The following OPHN1 variants were observed in gnomAD, a reference collection of about 807,000 sequenced individuals.
OPHN1 encodes oligophrenin-1.
A neutral mutation model predicts 60.7 loss-of-function variants in OPHN1; 11 were observed. The ratio of observed to expected loss-of-function variants is 0.18; its 90% CI spans 0.11 to 0.30. OPHN1 has a LOEUF of 0.30. Ranked by LOEUF, OPHN1 falls within the 10% of genes least tolerant of loss-of-function variation. OPHN1 has a pLI of 1.00. For missense variants in OPHN1, 449 were observed against 611.0 expected, an observed-to-expected ratio of 0.73 and a Z score of 2.80; for synonymous variants, 226 against 222.6, an observed-to-expected ratio of 1.02 and a Z score of -0.14.
intron 6 of OPHN1, among the ~76,000 whole-genome samples, chrX:68,222,514 G>T (rs907189407): frequency 9.9e-6 from 1 of 100,965 alleles, no homozygotes. Flanking sequence ...CAATAGCAAA[G>T]ACTTGGAACC....
At chrX:68,348,911 AC>A (rs914085498) in intron 2 of OPHN1, among the ~76,000 whole-genome samples, 7 of 111,682 alleles carry the variant, frequency 6.3e-5, no homozygotes, top group African/African-American at 2.3e-4. Context: ...TATTCTGAGA[AC>A]CCAATGCATT....
intron 2 of OPHN1, among the ~76,000 whole-genome samples, chrX:68,385,066 T>A (rs2079009788): frequency 9.0e-6 from 1 of 111,245 alleles, no homozygotes; most frequent in African/African-American, 3.3e-5. Context: ...AATAATTTTT[T>A]TAAAAAAAAT....
chrX:68,282,792 C>G (rs756858825), intron 4 of OPHN1, among the ~76,000 whole-genome samples: 3 of 111,230 alleles, frequency 2.7e-5, no homozygotes, highest in Non-Finnish European at 3.8e-5. Flanking sequence ...GTTCAAAGGC[C>G]CAGTTTAATA....
intron 2 of OPHN1, among the ~76,000 whole-genome samples, chrX:68,378,681 A>G (rs1457953612): frequency 1.8e-5 from 2 of 111,944 alleles, no homozygotes; most frequent in African/African-American, 6.5e-5. Flanking sequence ...ACCATTTATT[A>G]AACAGGGAAT....
chrX:68,209,992 C>CTTTTTTTTTTTTTTTTTTT, intron 9 of OPHN1, 161 bp downstream of exon 9: 8 of 447,204 alleles, frequency 1.8e-5, no homozygotes, highest in African/African-American at 2.6e-5. Flanking sequence ...TCAGTTTCTC[C>CTTTTTTTTTTTTTTTTTTT]TTTTTTTTTT....
Position 68,302,361 on chromosome X carries a change from G to T in OPHN1, c.155-3265C>A, listed in dbSNP as rs747938370. 4.5e-5 allele frequency among the ~76,000 whole-genome samples: 5 copies of T among 111,292 alleles called. No homozygotes were observed. In the South Asian group the frequency reaches 1.9e-3, roughly 42 times the overall value. On this transcript the variant is annotated intron_variant, in intron 2 of 24. Transcript: ENST00000355520. ...TTAAGCACTTTGGGAGGCCAACGCG[G>T]GCAGATTACTTGAGGTCAGGAGTTC...
intron 21 of OPHN1, among the ~76,000 whole-genome samples, chrX:68,056,551 A>C: frequency 9.0e-6 from 1 of 111,457 alleles, no homozygotes; most frequent in Middle Eastern, 4.6e-3. Flanking sequence ...TGGACATGTC[A>C]TTCCCCTTAA....
chrX:68,132,579 T>C (rs1225621684), intron 15 of OPHN1, among the ~76,000 whole-genome samples: 1 of 83,819 alleles, frequency 1.2e-5, no homozygotes, highest in Non-Finnish European at 2.3e-5. Flanking sequence ...GGGATAGCAT[T>C]GGGAGATATA....
At chrX:68,285,997 CTT>C (rs2078039460) in intron 3 of OPHN1, among the ~76,000 whole-genome samples, 1 of 111,238 alleles carries the variant, frequency 9.0e-6, no homozygotes, top group Non-Finnish European at 1.9e-5. Flanking sequence ...AATTGAAACT[CTT>C]TGTCTAGAAA....
At chrX:68,428,615 T>C (rs761205375) in intron 2 of OPHN1, among the ~76,000 whole-genome samples, 1 of 112,559 alleles carries the variant, frequency 8.9e-6, no homozygotes, top group South Asian at 3.7e-4. Flanking sequence ...TGTCCAAGTA[T>C]GTATTGAATG....
intron 4 of OPHN1, among the ~76,000 whole-genome samples, chrX:68,281,076 A>T (rs891800080): frequency 1.8e-5 from 2 of 112,030 alleles, no homozygotes; most frequent in Middle Eastern, 4.2e-3. Flanking sequence ...TCTTAAAAGC[A>T]ATCCCAGTCA....
chrX:68,141,451 A>G (rs1454730576), intron 15 of OPHN1, among the ~76,000 whole-genome samples: 1 of 112,031 alleles, frequency 8.9e-6, no homozygotes, highest in Non-Finnish European at 1.9e-5. Flanking sequence ...GGAAAAGTGT[A>G]TCTTAGAATC....
intron 15 of OPHN1, among the ~76,000 whole-genome samples, chrX:68,171,409 C>G (rs2077390572): frequency 9.3e-6 from 1 of 107,846 alleles, no homozygotes; most frequent in Non-Finnish European, 1.9e-5. Context: ...GAACTTCAAA[C>G]CAGAATTTAG....
At position 68,294,501 on chromosome X, in the gene OPHN1, A is replaced by AAT. The variant is rs1491185339; in HGVS notation, c.250+4499_250+4500insAT. Among the ~76,000 whole-genome samples, 255 of 106,691 alleles carry AAT rather than the reference A, an allele frequency of 2.4e-3. 1 individual carries two copies. The highest frequency in any genetic ancestry group is 8.3e-3 in the African/African-American group (240 of 28,852). The allele number at this position is 106,691 out of a possible 115,157, so 92.6% of individuals were successfully genotyped here. ...AAAAAAAAAAAAAAAAAAAAAAAAA[A>AAT]AGTAAGCATATTCTCTTAAGCCTAT... On this transcript the variant is annotated intron_variant, in intron 3 of 24. Transcript: ENST00000355520.
In OPHN1 at chrX:68,045,353, G is replaced by A. The variant is rs1207640868; in HGVS notation, c.*1819C>T. On this transcript the variant is annotated 3_prime_UTR_variant, in exon 25 of 25. Coordinates refer to ENST00000355520, the MANE Select transcript of OPHN1 (RefSeq NM_002547.3). ...TGTTCCTAACTCACCAATAAACCAT[G>A]TTTGGAATTCAGTCTTGAAAATGAC... 8.9e-6 allele frequency: 1 copy of A among 112,371 alleles called. No homozygotes were observed. The highest frequency in any genetic ancestry group is 1.9e-5 in the Non-Finnish European group (1 of 53,262). 9.3% of individuals were successfully genotyped at this position (112,371 alleles called of 1,213,427 possible).
chrX:68,365,125 C>T (rs73539214), intron 2 of OPHN1, among the ~76,000 whole-genome samples: 2 of 111,540 alleles, frequency 1.8e-5, no homozygotes, highest in African/African-American at 6.5e-5. Context: ...TGAACATAGA[C>T]GCTAATAGAG....
chrX:68,426,699 C>CA (rs778079057), intron 2 of OPHN1, among the ~76,000 whole-genome samples: 2,883 of 36,718 alleles, frequency 0.079, 310 homozygotes, highest in African/African-American at 0.21. Context: ...CGCATCTCTC[C>CA]AAAAAAAAAA....
intron 3 of OPHN1, among the ~76,000 whole-genome samples, chrX:68,287,988 C>G (rs770848471): frequency 9.0e-6 from 1 of 111,713 alleles, no homozygotes; most frequent in Non-Finnish European, 1.9e-5. Flanking sequence ...TGTTAAATCA[C>G]TTTAAAATTA....
chrX:68,044,808 A>G lies in OPHN1; in HGVS notation c.*2364T>C, dbSNP rs1245006186. The stretch of plus-strand genomic sequence containing the variant: ...CAGACTGCTGGTCCCCAGCTCTCCA[A>G]GATAGGCCCTTGATCTGTGTCCCAG... On this transcript the variant is annotated 3_prime_UTR_variant, in exon 25 of 25. Transcript: ENST00000355520. 5 of 112,802 alleles carry G rather than the reference A, an allele frequency of 4.4e-5. No homozygotes were observed. Among genetic ancestry groups the G allele is most frequent in the Admixed American group, 3.7e-4 (4 of 10,705 alleles). 9.3% of individuals were successfully genotyped at this position (112,802 alleles called of 1,213,427 possible).
Sources: allele counts gnomAD v4.1 joint callset (sites outside exome capture counted in the v4.1 genomes callset), GRCh38; gene constraint gnomAD v4.1.1; transcripts MANE v1.5; gene names NCBI Gene and HGNC (gene_info 2026-07-23, HGNC 2026-07-21).